The following CDH12 variants were observed in gnomAD, a reference collection of about 807,000 sequenced individuals.
CDH12 encodes the protein cadherin 12, also known as cadherin-12.
CDH12 carries 41 observed loss-of-function variants against 74.1 expected under a neutral mutation model. The ratio of observed to expected loss-of-function variants is 0.55; its 90% CI spans 0.43 to 0.72. The LOEUF is 0.72. Ranked by LOEUF, CDH12 falls within the 30% of genes least tolerant of loss-of-function variation. CDH12 has a pLI of 0.00. For missense variants in CDH12, 945 were observed against 977.2 expected (o/e 0.97, Z 0.44); for synonymous variants, 399 against 355.0 (o/e 1.12, Z -1.39).
Position 21,783,902 on chromosome 5 carries a change from G to A in CDH12, c.1257-408C>T, listed in dbSNP as rs148419624. Reference sequence around the variant, plus strand: ...TACAAAGAACCCAGGTCAAAACAGAGGTAGAATCTTTGTTTCCAGAGATAG... The same window carrying A: ...TACAAAGAACCCAGGTCAAAACAGAAGTAGAATCTTTGTTTCCAGAGATAG... On this transcript the variant is annotated intron_variant, in intron 10 of 14. Transcript: ENST00000382254. 2.5e-3 allele frequency among the ~76,000 whole-genome samples: 380 copies of A among 152,116 alleles called. 3 individuals carry two copies. Among genetic ancestry groups the A allele is most frequent in the African/African-American group, 8.7e-3 (360 of 41,528 alleles).
At chr5:22,044,682 A>G (rs1450176645) in intron 5 of CDH12, among the ~76,000 whole-genome samples, 2 of 152,350 alleles carry the variant, frequency 1.3e-5, no homozygotes, top group East Asian at 3.9e-4. Flanking sequence ...CTGATTTTTG[A>G]TAAACAGGCC....
intron 1 of CDH12, among the ~76,000 whole-genome samples, chr5:22,831,776 T>C (rs1736625857): frequency 6.6e-6 from 1 of 151,874 alleles, no homozygotes; most frequent in Admixed American, 6.6e-5. Flanking sequence ...CGAGCGCCTG[T>C]AATCCAAGCT....
rs1736950349 is a variant in CDH12, at chr5:22,519,422, CTCTT to C, written c.-522-14062_-522-14059del. ...ATTTACAGACAACTCCGTATCCACA[CTCTT>C]TTTTTTTTTTTTTTTGAGATGGAGT... On this transcript the variant is annotated intron_variant, in intron 1 of 14. Coordinates refer to ENST00000382254, the MANE Select transcript of CDH12 (RefSeq NM_004061.5). Among the ~76,000 whole-genome samples, 5 of 141,616 alleles carry C rather than the reference CTCTT, an allele frequency of 3.5e-5. No homozygotes were observed. The South Asian group carries it at 1.1e-3, about 31-fold the overall frequency. 92.9% of individuals were successfully genotyped at this position (141,616 alleles called of 152,430 possible). A position where few individuals can be genotyped will look rare whatever the true frequency, so the allele number is the denominator to read the frequency against.
chr5:22,510,360 A>G (rs1736550157), intron 1 of CDH12, among the ~76,000 whole-genome samples: 1 of 152,200 alleles, frequency 6.6e-6, no homozygotes, highest in African/African-American at 2.4e-5. Flanking sequence ...CGATATAAAA[A>G]AATTGTTATA....
chr5:22,780,318 G>A (rs1397512519), intron 1 of CDH12, among the ~76,000 whole-genome samples: 3 of 152,096 alleles, frequency 2.0e-5, no homozygotes, highest in African/African-American at 7.2e-5. Context: ...TTGAGTCCAG[G>A]ATTTCAAGGC....
intron 1 of CDH12, among the ~76,000 whole-genome samples, chr5:22,659,377 G>T (rs1740229607): frequency 6.6e-6 from 1 of 151,642 alleles, no homozygotes; most frequent in Non-Finnish European, 1.5e-5. Flanking sequence ...AAAATATTTA[G>T]CAAATAAAAT....
chr5:22,827,440 G>C (rs1561059860), intron 1 of CDH12, among the ~76,000 whole-genome samples: 1 of 152,174 alleles, frequency 6.6e-6, no homozygotes, highest in African/African-American at 2.4e-5. Flanking sequence ...AGACTGTAAA[G>C]AGGTCCTCAT....
chr5:21,839,714 T>C (rs1177636011), intron 8 of CDH12, among the ~76,000 whole-genome samples: 1 of 152,188 alleles, frequency 6.6e-6, no homozygotes, highest in Non-Finnish European at 1.5e-5. Flanking sequence ...GATGAACTCG[T>C]AAACTCTCCT....
intron 13 of CDH12, among the ~76,000 whole-genome samples, chr5:21,756,815 G>A (rs1481635500): frequency 1.3e-5 from 2 of 152,152 alleles, no homozygotes; most frequent in African/African-American, 4.8e-5. Flanking sequence ...TCACAAATAT[G>A]TTACTATTTC....
At chr5:21,992,309 T>C (rs1412121897) in intron 5 of CDH12, among the ~76,000 whole-genome samples, 1 of 152,188 alleles carries the variant, frequency 6.6e-6, no homozygotes, top group Non-Finnish European at 1.5e-5. Context: ...AGCAAGTATA[T>C]ACTATTGAAT....
At chr5:22,365,473 C>G (rs1327545836) in intron 3 of CDH12, among the ~76,000 whole-genome samples, 2 of 152,076 alleles carry the variant, frequency 1.3e-5, no homozygotes, top group African/African-American at 4.8e-5. Flanking sequence ...CTATCTATGT[C>G]ATTTGAAAAG....
rs536941636 is a variant in CDH12, at chr5:22,386,027, G to C, written c.-333+19230C>G. 3.5e-4 allele frequency among the ~76,000 whole-genome samples: 53 copies of C among 151,828 alleles called. 1 individual carries two copies. Among genetic ancestry groups the C allele is most frequent in the African/African-American group, 1.2e-3 (51 of 41,364 alleles). On this transcript the variant is annotated intron_variant, in intron 3 of 14. Transcript: ENST00000382254. ...CCTGCCTCAGCCTCCTGAGTAGCTGGGATTACAGGCATGTGGCACCATGCT... is the reference window on the plus strand; with the variant it reads ...CCTGCCTCAGCCTCCTGAGTAGCTGCGATTACAGGCATGTGGCACCATGCT...
intron 3 of CDH12, among the ~76,000 whole-genome samples, chr5:22,318,170 G>A (rs115003699): frequency 0.023 from 3,506 of 152,242 alleles, 70 homozygotes; most frequent in South Asian, 0.054. Context: ...ACTTTAGAAA[G>A]CGGTCCTCAT....
At chr5:22,527,282 C>G (rs1423177278) in intron 1 of CDH12, among the ~76,000 whole-genome samples, 1 of 152,064 alleles carries the variant, frequency 6.6e-6, no homozygotes, top group Non-Finnish European at 1.5e-5. Flanking sequence ...GGTGCTGGGT[C>G]TATAAACTGG....
chr5:22,799,190 A>G (rs1199757705), intron 1 of CDH12, among the ~76,000 whole-genome samples: 2 of 152,290 alleles, frequency 1.3e-5, no homozygotes, highest in African/African-American at 2.4e-5. Flanking sequence ...TTGAATCAGT[A>G]CCTTAGGCAT....
intron 4 of CDH12, among the ~76,000 whole-genome samples, chr5:22,097,326 GC>G (rs1164739685): frequency 6.6e-6 from 1 of 152,110 alleles, no homozygotes; most frequent in Non-Finnish European, 1.5e-5. Context: ...GACTGACACT[GC>G]CCGATCGCCT....
intron 1 of CDH12, among the ~76,000 whole-genome samples, chr5:22,565,265 C>A (rs1313180599): frequency 6.6e-6 from 1 of 152,106 alleles, no homozygotes; most frequent in Non-Finnish European, 1.5e-5. Context: ...ATATACCTAG[C>A]AGTAGGATTG....
rs1392483525 is a variant in CDH12, at chr5:21,811,208, T to TA, written c.1002+5736dup. ...TCTAATTCCAAAAAAGGTTTACTTT[T>TA]AAAAAAACTAAATAGGAAATAACTT... On this transcript the variant is annotated intron_variant, in intron 9 of 14. Coordinates refer to ENST00000382254, the MANE Select transcript of CDH12 (RefSeq NM_004061.5). 7.2e-5 allele frequency among the ~76,000 whole-genome samples: 11 copies of TA among 152,198 alleles called. No individual in the cohort carries two copies. In the South Asian group the frequency reaches 1.0e-3, roughly 14 times the overall value.
At chr5:22,155,979 T>G (rs1257664639) in intron 4 of CDH12, among the ~76,000 whole-genome samples, 1 of 152,148 alleles carries the variant, frequency 6.6e-6, no homozygotes, top group African/African-American at 2.4e-5. Context: ...GAGTCTGATA[T>G]GGGAGGTTAA....
Sources: allele counts gnomAD v4.1 joint callset (sites outside exome capture counted in the v4.1 genomes callset), GRCh38; gene constraint gnomAD v4.1.1; transcripts MANE v1.5; gene names NCBI Gene and HGNC (gene_info 2026-07-23, HGNC 2026-07-21).